The following SPECC1 variants were observed in gnomAD, a reference collection of about 807,000 sequenced individuals.
SPECC1 encodes the protein sperm antigen with calponin homology and coiled-coil domains 1.
A neutral mutation model predicts 104.1 loss-of-function variants in SPECC1; 62 were observed. That is an observed-to-expected ratio of 0.60 (90% confidence interval 0.49 to 0.74). The LOEUF is 0.74. Ranked by LOEUF, SPECC1 falls within the 30% of genes least tolerant of loss-of-function variation. The probability of loss-of-function intolerance (pLI) is 0.00; values close to 1 mark genes in which losing one functional copy is unlikely to be tolerated. For synonymous variants in SPECC1, 513 were observed against 501.6 expected, an observed-to-expected ratio of 1.02 and a Z score of -0.30; for missense variants, 1,306 against 1,310.5, an observed-to-expected ratio of 1.00 and a Z score of 0.05.
intron 2 of SPECC1, 64 bp downstream of exon 2, chr17:20,096,862 G>C: frequency 6.4e-7 from 1 of 1,560,286 alleles, no homozygotes; most frequent in East Asian, 2.3e-5. Flanking sequence ...GAGGATTGAA[G>C]AGGGCAGTAA....
rs567776596 is a variant in SPECC1 at position 20,156,913 on chromosome 17, T to C, written c.283+46351T>C. On this transcript the variant is annotated intron_variant, in intron 3 of 14. Coordinates refer to ENST00000395527, the MANE Select transcript of SPECC1 (RefSeq NM_001243439.2). ...GGACTGTCACGTGAAGCAAAAGGGA[T>C]TTAGTTTTGCCTGAAAAATGGCATC... 2.6e-5 allele frequency among the ~76,000 whole-genome samples: 4 copies of C among 152,042 alleles called. No individual in the cohort carries two copies. The South Asian group carries it at 8.3e-4, about 32-fold the overall frequency.
intron 1 of SPECC1, among the ~76,000 whole-genome samples, chr17:20,033,619 TG>T (rs956797127): frequency 1.3e-5 from 2 of 152,000 alleles, no homozygotes; most frequent in African/African-American, 4.8e-5. Flanking sequence ...AAGCGAGAGA[TG>T]GGGGAAAGTG....
chr17:20,266,398 A>G (rs1236219172), intron 12 of SPECC1, among the ~76,000 whole-genome samples: 1 of 152,202 alleles, frequency 6.6e-6, no homozygotes, highest in East Asian at 1.9e-4. Context: ...CCTGGCTAAC[A>G]TGGTGAAACC....
intron 7 of SPECC1, among the ~76,000 whole-genome samples, chr17:20,241,856 A>G (rs1217226542): frequency 4.6e-5 from 7 of 152,214 alleles, no homozygotes; most frequent in Non-Finnish European, 7.3e-5. Context: ...AGAAAAAATT[A>G]CATTCCAGGC....
At chr17:20,168,918 G>A (rs957139371) in intron 3 of SPECC1, among the ~76,000 whole-genome samples, 1 of 152,142 alleles carries the variant, frequency 6.6e-6, no homozygotes, top group Non-Finnish European at 1.5e-5. Context: ...TGTCATCCAG[G>A]CTGGAGTACA....
At chr17:20,052,628 T>A (rs1165363197) in intron 1 of SPECC1, among the ~76,000 whole-genome samples, 1 of 152,230 alleles carries the variant, frequency 6.6e-6, no homozygotes, top group Non-Finnish European at 1.5e-5. Flanking sequence ...TCAGGGTCAC[T>A]GATGGAGATT....
rs149144258 is a variant in SPECC1 at position 20,271,361 on chromosome 17, T to A, written c.2940+11067T>A. 5.3e-3 allele frequency among the ~76,000 whole-genome samples: 798 copies of A among 151,682 alleles called. 3 individuals are homozygous for A. Among genetic ancestry groups the A allele is most frequent in the African/African-American group, 0.017 (699 of 41,176 alleles). On this transcript the variant is annotated intron_variant, in intron 12 of 14. Coordinates refer to ENST00000395527, the MANE Select transcript of SPECC1 (RefSeq NM_001243439.2). ...TTTTTCACTCCCACCCCCCCCATGC[T>A]TCCTGTCTTTGCATTCTTTCATGGT...
chr17:20,283,607 G>T (rs1272049690), intron 12 of SPECC1, among the ~76,000 whole-genome samples: 1 of 151,930 alleles, frequency 6.6e-6, no homozygotes, highest in Admixed American at 6.6e-5. Context: ...TTTTCTTTGA[G>T]ACAGAGTCTT....
At chr17:20,245,079 C>A (rs974409842) in intron 7 of SPECC1, among the ~76,000 whole-genome samples, 1 of 152,156 alleles carries the variant, frequency 6.6e-6, no homozygotes, top group Non-Finnish European at 1.5e-5. Context: ...AGTGCTGTTA[C>A]CATTCTTATG....
intron 1 of SPECC1, among the ~76,000 whole-genome samples, chr17:20,048,684 T>C (rs1392052278): frequency 6.6e-6 from 1 of 152,010 alleles, no homozygotes; most frequent in African/African-American, 2.4e-5. Flanking sequence ...GGTGGGTGGA[T>C]TGCTTGAGCC....
intron 5 of SPECC1, among the ~76,000 whole-genome samples, chr17:20,229,925 G>C (rs1194972215): frequency 6.6e-6 from 1 of 152,204 alleles, no homozygotes; most frequent in African/African-American, 2.4e-5. Context: ...CCCCTTCTTG[G>C]CTAGTGCTGG....
At position 20,205,437 on chromosome 17, in the gene SPECC1, T is replaced by A; in HGVS notation, c.1388T>A (p.Ile463Asn). The A allele has an allele frequency of 6.2e-7, 1 of 1,613,818 alleles. No individual in the cohort carries two copies. The highest frequency in any genetic ancestry group is 8.5e-7 in the Non-Finnish European group (1 of 1,179,988). ...GAGCCCACCACTCAGGAAGGAAAAA[T>A]TATTGAACTGGAGCAGAAGTGCACA... is the stretch of plus-strand genomic sequence containing the variant. ...NEEPTTQEGKIIELEQKCTGI... is the reference protein window; with the variant it reads ...NEEPTTQEGKNIELEQKCTGI... The change falls in exon 4 of 15, where the codon ATT becomes AAT. Residue 463 changes from isoleucine to asparagine, a missense_variant. By Grantham distance (149) the Ile-to-Asn change is moderately radical. Around this residue, in one of 2 missense-constraint regions of SPECC1, gnomAD observed 1,177 missense variants for 1,139.9 expected, o/e 1.03. Transcript: ENST00000395527.
intron 12 of SPECC1, among the ~76,000 whole-genome samples, chr17:20,277,006 G>A (rs1378655035): frequency 6.6e-6 from 1 of 152,216 alleles, no homozygotes; most frequent in Non-Finnish European, 1.5e-5. Flanking sequence ...GGAACAAGAA[G>A]GACTCCAAAG....
chr17:20,288,131 G>T (rs2041021956), intron 12 of SPECC1, among the ~76,000 whole-genome samples: 1 of 152,056 alleles, frequency 6.6e-6, no homozygotes, highest in South Asian at 2.1e-4. Flanking sequence ...ACATGATCTT[G>T]TTTTTTTATG....
chr17:20,020,578 C>T (rs374166601), intron 1 of SPECC1, among the ~76,000 whole-genome samples: 14 of 152,146 alleles, frequency 9.2e-5, no homozygotes, highest in Non-Finnish European at 1.8e-4. Context: ...GTGATCCGCC[C>T]GCCTCAGCCT....
intron 1 of SPECC1, among the ~76,000 whole-genome samples, chr17:20,016,859 G>T (rs1006436598): frequency 1.3e-5 from 2 of 152,258 alleles, no homozygotes; most frequent in African/African-American, 4.8e-5. Flanking sequence ...ACTGATGCCG[G>T]ATCCACTGGG....
At chr17:20,240,165 A>G (rs1055603219) in intron 7 of SPECC1, among the ~76,000 whole-genome samples, 4 of 138,096 alleles carry the variant, frequency 2.9e-5, no homozygotes, top group East Asian at 2.3e-4. Context: ...GATCCTCCCA[A>G]CTCAGCCTCC....
Position 20,306,040 on chromosome 17 carries a change from G to A in SPECC1, c.3075G>A (p.Leu1025=). 1 of 1,613,820 alleles carries A rather than the reference G, an allele frequency of 6.2e-7. No individual in the cohort carries two copies. The stretch of plus-strand genomic sequence containing the variant: ...TAACTTAGAAGAGGAATCTCTTGTT[G>A]GCATTTGAAGCGGCTGAAAGTGTAG... ...NSQEKKRNLL[L]AFEAAESVGI... is the part of the protein sequence containing the mutation. The change falls in exon 14 of 15, where the codon TTG becomes TTA. Residue 1025 remains leucine (L), a synonymous_variant. Transcript: ENST00000395527.
At chr17:20,226,657 T>A (rs2038225280) in intron 4 of SPECC1, among the ~76,000 whole-genome samples, 1 of 152,234 alleles carries the variant, frequency 6.6e-6, no homozygotes, top group South Asian at 2.1e-4. Flanking sequence ...TTTTTGGTGC[T>A]TTTCTGTGTA....
Sources: gnomAD v4.1 joint callset for allele counts (sites outside exome capture counted in the v4.1 genomes callset) on GRCh38, gnomAD v4.1.1 for gene constraint, gnomAD v4.1.1 regional missense constraint, MANE v1.5 for transcripts, NCBI Gene and HGNC (gene_info 2026-07-23, HGNC 2026-07-21) for gene names.